The following NEDD9 variants were observed in gnomAD, a reference collection of about 807,000 sequenced individuals.
The protein encoded by NEDD9 is enhancer of filamentation 1.
A neutral mutation model predicts 76.6 loss-of-function variants in NEDD9; 26 were observed. The observed-to-expected ratio is 0.34, with a 90% confidence interval of 0.25 to 0.47. NEDD9 has a LOEUF of 0.47. Ranked by LOEUF, NEDD9 falls within the 20% of genes least tolerant of loss-of-function variation. The pLI is 1.00. For missense variants in NEDD9, 937 were observed against 1,058.5 expected, an observed-to-expected ratio of 0.89 and a Z score of 1.59; for synonymous variants, 392 against 414.2, an observed-to-expected ratio of 0.95 and a Z score of 0.65.
intron 2 of NEDD9, among the ~76,000 whole-genome samples, chr6:11,329,823 C>G (rs1482619453): frequency 6.6e-6 from 1 of 152,116 alleles, no homozygotes; most frequent in Non-Finnish European, 1.5e-5. Context: ...TCTAAACATC[C>G]TATAATGCAC....
chr6:11,260,223 T>C (rs1221236643), intron 3 of NEDD9, among the ~76,000 whole-genome samples: 1 of 152,084 alleles, frequency 6.6e-6, no homozygotes, highest in Non-Finnish European at 1.5e-5. Flanking sequence ...CAGACAAAAA[T>C]AAACAGAGTA....
At chr6:11,335,436 G>T (rs1016387791) in intron 1 of NEDD9, among the ~76,000 whole-genome samples, 1 of 152,186 alleles carries the variant, frequency 6.6e-6, no homozygotes, top group African/African-American at 2.4e-5. Flanking sequence ...ACTGAAAACT[G>T]CAGTGGCTGC....
In NEDD9 at chr6:11,376,151, A is replaced by G. The variant is rs372270195; in HGVS notation, c.-214+5988T>C. Among the ~76,000 whole-genome samples the G allele has an allele frequency of 7.9e-5, 12 of 152,326 alleles. No individual in the cohort carries two copies. In the East Asian group the frequency reaches 9.6e-4, roughly 12 times the overall value. On this transcript the variant is annotated intron_variant, in intron 1 of 3. Coordinates refer to the NEDD9 transcript ENST00000397378. ...CACTTTTTTTCTTTATAAATTACCC[A>G]GCCTTGGGTATTTCTTTATAGTGAT... is the stretch of plus-strand genomic sequence containing the variant.
chr6:11,188,376 G>A (rs1431198775), intron 5 of NEDD9, 69 bp from the exon 6 acceptor site: 2 of 1,260,992 alleles, frequency 1.6e-6, no homozygotes, highest in African/African-American at 1.5e-5. Flanking sequence ...CAATTTCATT[G>A]ACGGATGAGT....
intron 3 of NEDD9, among the ~76,000 whole-genome samples, chr6:11,239,607 A>G (rs1054740286): frequency 2.0e-5 from 3 of 152,226 alleles, no homozygotes; most frequent in South Asian, 4.1e-4. Flanking sequence ...ACTGTGAAAT[A>G]GGGCTTTCAT....
intron 3 of NEDD9, among the ~76,000 whole-genome samples, chr6:11,277,507 C>A (rs936326604): frequency 2.0e-5 from 3 of 152,142 alleles, no homozygotes; most frequent in African/African-American, 7.2e-5. Flanking sequence ...GGTCTGAGTT[C>A]TGACAGGCAT....
chr6:11,220,610 C>T (rs768885194), intron 1 of NEDD9, among the ~76,000 whole-genome samples: 2 of 152,306 alleles, frequency 1.3e-5, no homozygotes, highest in Non-Finnish European at 2.9e-5. Context: ...GATGAAGGAT[C>T]ATTTGGAACC....
chr6:11,274,504 T>C (rs16871200), intron 3 of NEDD9, among the ~76,000 whole-genome samples: 12,459 of 152,234 alleles, frequency 0.082, 601 homozygotes, highest in Middle Eastern at 0.15. Flanking sequence ...GTATTAATGC[T>C]TTCCTTATTT....
intron 6 of NEDD9, among the ~76,000 whole-genome samples, chr6:11,187,547 A>AAG (rs151140554): frequency 1.2e-3 from 180 of 150,668 alleles, no homozygotes; most frequent in South Asian, 2.5e-3. Flanking sequence ...TAGAGACAGA[A>AAG]AGAGAGAGAG....
chr6:11,334,466 A>G (rs1195518229), intron 2 of NEDD9: 3 of 152,154 alleles, frequency 2.0e-5, no homozygotes, highest in African/African-American at 7.2e-5. Context: ...CACCGCTACC[A>G]CTGTTTAGAC....
intron 1 of NEDD9, among the ~76,000 whole-genome samples, chr6:11,373,111 A>G (rs1224151855): frequency 1.3e-5 from 2 of 151,888 alleles, no homozygotes; most frequent in Non-Finnish European, 2.9e-5. Context: ...GAAATCAAAC[A>G]CCTTCGTTAA....
intron 2 of NEDD9, among the ~76,000 whole-genome samples, chr6:11,333,549 C>T (rs1488944834): frequency 6.6e-6 from 1 of 152,218 alleles, no homozygotes; most frequent in African/African-American, 2.4e-5. Flanking sequence ...GGCATGCCCT[C>T]CCAGAATGCA....
At position 11,190,916 on chromosome 6, in the gene NEDD9, T is replaced by C. The variant is rs1348924570; in HGVS notation, c.953A>G (p.Asp318Gly). The C allele has an allele frequency of 6.2e-7, 1 of 1,614,006 alleles. No homozygotes were observed. The highest frequency in any genetic ancestry group is 1.1e-5 in the South Asian group (1 of 91,076). ...QSVGSQNDAYDVPRGVQFLEP... is the reference protein window; with the variant it reads ...QSVGSQNDAYGVPRGVQFLEP... ...AAGAAACTGAACGCCTCGGGGGACATCATATGCGTCGTTCTGAGAGCCCAC... is the reference window on the plus strand; with the variant it reads ...AAGAAACTGAACGCCTCGGGGGACACCATATGCGTCGTTCTGAGAGCCCAC... The change falls in exon 5 of 7, where the codon GAT (aspartate) becomes GGT (glycine). Residue 318 changes from aspartate to glycine, a missense_variant. Asp to Gly is a moderately conservative substitution (Grantham distance 94, BLOSUM62 -1). Coordinates refer to ENST00000379446, the MANE Select transcript of NEDD9 (RefSeq NM_006403.4). The surrounding 1 kb of genome is among the most constrained non-coding windows in gnomAD (Gnocchi z 5.8).
chr6:11,285,738 G>A (rs1367095421), intron 3 of NEDD9, among the ~76,000 whole-genome samples: 1 of 152,144 alleles, frequency 6.6e-6, no homozygotes, highest in South Asian at 2.1e-4. Flanking sequence ...TTTGACAAAG[G>A]TGCAAAGAAA....
intron 1 of NEDD9, among the ~76,000 whole-genome samples, chr6:11,377,968 C>A (rs144136399): frequency 6.6e-6 from 1 of 152,118 alleles, no homozygotes; most frequent in Admixed American, 6.5e-5. Context: ...TTAGGCCAGG[C>A]GCAGTGGCTC....
At chr6:11,208,710 C>A (rs1231680457) in intron 2 of NEDD9, among the ~76,000 whole-genome samples, 1 of 152,156 alleles carries the variant, frequency 6.6e-6, no homozygotes, top group African/African-American at 2.4e-5. Context: ...CAAATAGTTC[C>A]AGCAGTTAGA....
intron 1 of NEDD9, among the ~76,000 whole-genome samples, chr6:11,227,899 G>A (rs1759350635): frequency 6.6e-6 from 1 of 152,308 alleles, no homozygotes; most frequent in Middle Eastern, 3.4e-3. Flanking sequence ...GTGGATGGAT[G>A]AGGAGACTTT....
At chr6:11,293,469 C>T (rs1039260454) in intron 3 of NEDD9, among the ~76,000 whole-genome samples, 1 of 152,048 alleles carries the variant, frequency 6.6e-6, no homozygotes, top group Admixed American at 6.6e-5. Context: ...TTTCTATCCC[C>T]CCCTCTCAGC....
In NEDD9 at chr6:11,232,651, C is replaced by A; in HGVS notation, c.-136G>T. On this transcript the variant is annotated 5_prime_UTR_variant, in exon 1 of 7. Coordinates refer to ENST00000379446, the MANE Select transcript of NEDD9 (RefSeq NM_006403.4). Reference sequence around the variant, plus strand: ...GGGCAGAGCCGCTTGTCAGTCGCAGCGCCTCCCTCAAGTCTCTGAGCTCAC... The same window carrying A: ...GGGCAGAGCCGCTTGTCAGTCGCAGAGCCTCCCTCAAGTCTCTGAGCTCAC... The A allele has an allele frequency of 6.4e-7, 1 of 1,554,290 alleles. No individual in the cohort carries two copies. Among genetic ancestry groups the A allele is most frequent in the South Asian group, 1.2e-5 (1 of 85,046 alleles).
Sources: allele counts gnomAD v4.1 joint callset (sites outside exome capture counted in the v4.1 genomes callset), GRCh38; gene constraint gnomAD v4.1.1; non-coding constraint Gnocchi (gnomAD v3.1); transcripts MANE v1.5; gene names NCBI Gene and HGNC (gene_info 2026-07-23, HGNC 2026-07-21).